STK33: variants seen among roughly 807,000 people sequenced by gnomAD.
STK33 encodes the protein serine/threonine-protein kinase 33.
Under a neutral mutation model 58.0 loss-of-function variants are expected in STK33, and 52 were observed. The ratio of observed to expected loss-of-function variants is 0.90; its 90% CI spans 0.72 to 1.13. The LOEUF (loss-of-function observed/expected upper bound fraction) is 1.13, where lower values mean the gene tolerates loss of function less well. Ranked by LOEUF, STK33 falls within the 50% of genes most tolerant of loss-of-function variation. The pLI, the probability that STK33 is intolerant of heterozygous loss-of-function variation, is 0.00. For synonymous variants in STK33, 215 were observed against 200.1 expected, an observed-to-expected ratio of 1.07 and a Z score of -0.63; for missense variants, 630 against 604.2, an observed-to-expected ratio of 1.04 and a Z score of -0.45.
At chr11:8,394,630 A>G (rs556913854) in intron 15 of STK33, among the ~76,000 whole-genome samples, 14 of 152,334 alleles carry the variant, frequency 9.2e-5, no homozygotes, top group Admixed American at 8.5e-4. Flanking sequence ...AAATACTCAG[A>G]AACAGTCTCT....
chr11:8,463,474 C>T (rs1214131335), intron 7 of STK33, among the ~76,000 whole-genome samples: 1 of 152,138 alleles, frequency 6.6e-6, no homozygotes, highest in Admixed American at 6.5e-5. Flanking sequence ...AGCCTGGTTC[C>T]TAACAGGCCA....
chr11:8,557,431 A>G (rs1196646836), intron 1 of STK33, among the ~76,000 whole-genome samples: 1 of 151,902 alleles, frequency 6.6e-6, no homozygotes, highest in East Asian at 1.9e-4. Flanking sequence ...TTCAACTTAA[A>G]GCTGAATTCT....
the STK33 span, among the ~76,000 whole-genome samples, chr11:8,355,418 G>T: frequency 6.6e-6 from 1 of 152,206 alleles, no homozygotes; most frequent in Non-Finnish European, 1.5e-5. Context: ...GGTACTGGAC[G>T]GCTCTAGGTC....
intron 12 of STK33, among the ~76,000 whole-genome samples, chr11:8,436,774 T>G (rs1051487195): frequency 6.6e-6 from 1 of 152,224 alleles, no homozygotes; most frequent in Non-Finnish European, 1.5e-5. Context: ...CTCGGCTCAC[T>G]GCAACCTCCG....
chr11:8,554,055 G>A (rs1956555545), intron 1 of STK33, among the ~76,000 whole-genome samples: 1 of 152,050 alleles, frequency 6.6e-6, no homozygotes, highest in Non-Finnish European at 1.5e-5. Context: ...TATCTGAAAA[G>A]GGATTAATAT....
the STK33 span, among the ~76,000 whole-genome samples, chr11:8,376,021 G>C: frequency 5.8e-4 from 89 of 152,322 alleles, no homozygotes; most frequent in African/African-American, 2.0e-3. Flanking sequence ...AGGCTACTTA[G>C]ATTTCCAGAC....
chr11:8,547,461 G>A (rs532199579), intron 1 of STK33, among the ~76,000 whole-genome samples: 20 of 152,258 alleles, frequency 1.3e-4, no homozygotes, highest in African/African-American at 3.4e-4. Context: ...TGATCTGCCC[G>A]TCTCAGCCTC....
intron 1 of STK33, among the ~76,000 whole-genome samples, chr11:8,546,373 T>C (rs1900271): frequency 0.28 from 42,455 of 152,128 alleles, 7,169 homozygotes; most frequent in African/African-American, 0.48. Context: ...ATTCACACAA[T>C]GTGTAATGAT....
chr11:8,341,735 C>T, the STK33 span, among the ~76,000 whole-genome samples: 1 of 152,192 alleles, frequency 6.6e-6, no homozygotes, highest in Admixed American at 6.5e-5. Flanking sequence ...AATGTAACCC[C>T]TCCCCTTCCT....
intron 1 of STK33, among the ~76,000 whole-genome samples, chr11:8,500,110 A>G (rs1451344861): frequency 6.6e-6 from 1 of 152,192 alleles, no homozygotes; most frequent in African/African-American, 2.4e-5. Flanking sequence ...ACGGTGAAAG[A>G]TTGAAAGCTT....
chr11:8,420,159 TA>T (rs1941708122), intron 14 of STK33, among the ~76,000 whole-genome samples: 1 of 152,056 alleles, frequency 6.6e-6, no homozygotes, highest in African/African-American at 2.4e-5. Flanking sequence ...TAAATTATAG[TA>T]AGAAAAGACA....
At chr11:8,367,194 G>T in the STK33 span, among the ~76,000 whole-genome samples, 1 of 152,226 alleles carries the variant, frequency 6.6e-6, no homozygotes, top group Non-Finnish European at 1.5e-5. Flanking sequence ...CATGTTTGTA[G>T]ACAATGGAGG....
intron 14 of STK33, among the ~76,000 whole-genome samples, chr11:8,422,484 G>A (rs1338325705): frequency 6.6e-6 from 1 of 152,040 alleles, no homozygotes; most frequent in African/African-American, 2.4e-5. Context: ...GGATAAATTA[G>A]GAAAATTTTT....
At chr11:8,458,182 C>A (rs1947104752) in intron 8 of STK33, among the ~76,000 whole-genome samples, 2 of 151,972 alleles carry the variant, frequency 1.3e-5, no homozygotes. Flanking sequence ...CTCAACAAAC[C>A]TTTGCTATAG....
chr11:8,346,191 A>T, the STK33 span, among the ~76,000 whole-genome samples: 1 of 152,226 alleles, frequency 6.6e-6, no homozygotes, highest in Admixed American at 6.5e-5. Flanking sequence ...GAGGCCAAAA[A>T]GGAGTTATGT....
intron 1 of STK33, among the ~76,000 whole-genome samples, chr11:8,494,256 G>C (rs1950873205): frequency 6.6e-6 from 1 of 152,140 alleles, no homozygotes; most frequent in African/African-American, 2.4e-5. Context: ...AAAGTCTCAG[G>C]ATACAAAATC....
chr11:8,461,980 T>C, intron 7 of STK33, 71 bp from the exon 8 acceptor site: 1 of 1,233,124 alleles, frequency 8.1e-7, no homozygotes. Context: ...GAAAAGTTAT[T>C]TTATGTTTTC....
the STK33 span, among the ~76,000 whole-genome samples, chr11:8,381,656 AC>A: frequency 6.6e-6 from 1 of 151,958 alleles, no homozygotes; most frequent in African/African-American, 2.4e-5. Context: ...CAGCTGGAAC[AC>A]CCTGTCCCTG....
At chr11:8,536,384 A>AT in intron 1 of STK33, among the ~76,000 whole-genome samples, 1 of 152,164 alleles carries the variant, frequency 6.6e-6, no homozygotes, top group Non-Finnish European at 1.5e-5. Flanking sequence ...AGCAAAATTA[A>AT]TTTTTTTAAA....
Sources: gnomAD v4.1 joint callset for allele counts (sites outside exome capture counted in the v4.1 genomes callset) on GRCh38, gnomAD v4.1.1 for gene constraint, MANE v1.5 for transcripts, NCBI Gene and HGNC (gene_info 2026-07-23, HGNC 2026-07-21) for gene names.